The following PLXNC1 variants were observed in gnomAD, a reference collection of about 807,000 sequenced individuals.
The protein encoded by PLXNC1 is plexin-C1.
Under a neutral mutation model 178.2 loss-of-function variants are expected in PLXNC1, and 75 were observed. That is an observed-to-expected ratio of 0.42 (90% CI 0.35 to 0.51). PLXNC1 has a LOEUF of 0.51. PLXNC1 is among the 20% of genes least tolerant of loss of function. The pLI, the probability that PLXNC1 is intolerant of heterozygous loss-of-function variation, is 0.02. For missense variants in PLXNC1, 1,503 were observed against 1,984.4 expected, an observed-to-expected ratio of 0.76 and a Z score of 4.61; for synonymous variants, 790 against 779.9, an observed-to-expected ratio of 1.01 and a Z score of -0.22.
chr12:94,303,721 G>T (rs1379839492), intron 28 of PLXNC1, 35 bp from the exon 29 acceptor site: 64 of 1,173,606 alleles, frequency 5.5e-5, no homozygotes, highest in South Asian at 2.4e-4. Context: ...TTACTCTTTT[G>T]GTGATGGTTG....
intron 5 of PLXNC1, among the ~76,000 whole-genome samples, chr12:94,210,760 G>GA (rs1412262505): frequency 6.6e-6 from 1 of 151,900 alleles, no homozygotes; most frequent in Non-Finnish European, 1.5e-5. Flanking sequence ...TCTTCCTGGA[G>GA]AAAAAAAATA....
At chr12:94,222,724 A>C (rs1189764151) in intron 6 of PLXNC1, among the ~76,000 whole-genome samples, 1 of 152,180 alleles carries the variant, frequency 6.6e-6, no homozygotes, top group Non-Finnish European at 1.5e-5. Context: ...TGCTTGAAAA[A>C]AAGTATGACT....
chr12:94,191,777 AAAAG>A (rs1241472259), intron 4 of PLXNC1, among the ~76,000 whole-genome samples: 1 of 151,760 alleles, frequency 6.6e-6, no homozygotes, highest in African/African-American at 2.4e-5. Context: ...CTCAAAAAAA[AAAAG>A]GGAATAGGCA....
intron 6 of PLXNC1, among the ~76,000 whole-genome samples, chr12:94,221,414 G>A (rs1270230323): frequency 2.0e-5 from 3 of 152,080 alleles, no homozygotes; most frequent in Non-Finnish European, 2.9e-5. Flanking sequence ...GAGAAGCCAA[G>A]GGGGATGGAG....
chr12:94,215,550 C>G (rs368673066), intron 5 of PLXNC1, among the ~76,000 whole-genome samples: 1 of 113,042 alleles, frequency 8.8e-6, no homozygotes, highest in Non-Finnish European at 1.8e-5. Flanking sequence ...AGATTGCAAA[C>G]ATAGATGATA....
At chr12:94,229,402 T>A (rs2136034080) in intron 9 of PLXNC1, among the ~76,000 whole-genome samples, 1 of 152,344 alleles carries the variant, frequency 6.6e-6, no homozygotes, top group South Asian at 2.1e-4. Context: ...GAGTTTTTAA[T>A]TTTGATGAAG....
chr12:94,257,539 C>G lies in PLXNC1; in HGVS notation c.3088-1798C>G, dbSNP rs573835389. ...CTGTAATCCCAGCACTTTGGGAGGC[C>G]GAGGCGGGTGGATCACTTGAGGTCA... On this transcript the variant is annotated intron_variant, in intron 17 of 30. Transcript: ENST00000258526. 5.3e-5 allele frequency among the ~76,000 whole-genome samples: 8 copies of G among 152,106 alleles called. No individual in the cohort carries two copies. In the East Asian group the frequency reaches 1.4e-3, roughly 26 times the overall value.
intron 7 of PLXNC1, 70 bp from the exon 8 acceptor site, chr12:94,226,535 C>A: frequency 9.8e-7 from 1 of 1,015,436 alleles, no homozygotes; most frequent in Non-Finnish European, 1.5e-6. Flanking sequence ...TGCCACATCA[C>A]AGAGGGAAAT....
At chr12:94,186,710 G>GCA (rs1416182001) in intron 4 of PLXNC1, 7 of 453,056 alleles carry the variant, frequency 1.5e-5, no homozygotes, top group African/African-American at 1.4e-4. Context: ...GGGCAGGTGT[G>GCA]CAGCCTTCAG....
At chr12:94,153,626 G>A (rs1394281424) in intron 1 of PLXNC1, among the ~76,000 whole-genome samples, 3 of 152,170 alleles carry the variant, frequency 2.0e-5, no homozygotes, top group African/African-American at 2.4e-5. Flanking sequence ...GGGGTCACTC[G>A]TGGTTTAAAC....
At chr12:94,221,558 T>A (rs1963796995) in intron 6 of PLXNC1, among the ~76,000 whole-genome samples, 1 of 152,178 alleles carries the variant, frequency 6.6e-6, no homozygotes, top group South Asian at 2.1e-4. Context: ...TGATCATTAA[T>A]GGAGCTGAGT....
At chr12:94,184,101 T>G (rs985236586) in intron 3 of PLXNC1, among the ~76,000 whole-genome samples, 3 of 148,672 alleles carry the variant, frequency 2.0e-5, no homozygotes, top group Non-Finnish European at 3.0e-5. Flanking sequence ...AATGTAGTAT[T>G]TTTAGTGTCC....
intron 4 of PLXNC1, among the ~76,000 whole-genome samples, chr12:94,196,114 A>T (rs1043282451): frequency 1.3e-5 from 2 of 152,114 alleles, no homozygotes; most frequent in Non-Finnish European, 2.9e-5. Flanking sequence ...ACAGTAATTT[A>T]TGGCCATATT....
intron 4 of PLXNC1, among the ~76,000 whole-genome samples, chr12:94,202,555 T>C (rs748799228): frequency 2.0e-5 from 3 of 151,990 alleles, no homozygotes; most frequent in Non-Finnish European, 4.4e-5. Flanking sequence ...TTGCCTGGAG[T>C]CTGAGCAAAC....
chr12:94,169,742 C>T (rs767637894), intron 2 of PLXNC1, among the ~76,000 whole-genome samples: 16 of 152,198 alleles, frequency 1.1e-4, no homozygotes, highest in Non-Finnish European at 1.8e-4. Context: ...TCCCTCCAGC[C>T]CACTTACCAC....
intron 4 of PLXNC1, 89 bp downstream of exon 4, chr12:94,186,562 C>A: frequency 1.3e-6 from 1 of 792,376 alleles, no homozygotes; most frequent in Non-Finnish European, 2.2e-6. Flanking sequence ...ACGATCCATT[C>A]CAGTGACCTG....
intron 4 of PLXNC1, among the ~76,000 whole-genome samples, chr12:94,188,323 C>T (rs1411233461): frequency 2.3e-5 from 3 of 127,780 alleles, no homozygotes; most frequent in Non-Finnish European, 3.2e-5. Flanking sequence ...TCTTTTTGTC[C>T]TTTTTTTTTT....
Position 94,287,041 on chromosome 12 carries a change from C to G in PLXNC1, c.3879+4640C>G, listed in dbSNP as rs985623097. Among the ~76,000 whole-genome samples the G allele has an allele frequency of 2.0e-5, 3 of 152,290 alleles. No homozygotes were observed. The East Asian group carries it at 5.8e-4, about 29-fold the overall frequency. On this transcript the variant is annotated intron_variant, in intron 23 of 30. Coordinates refer to ENST00000258526, the MANE Select transcript of PLXNC1 (RefSeq NM_005761.3). Reference sequence around the variant, plus strand: ...GGGGAATTGCTTTCCATGACAATAACCATGGCAGCCAGTGCCTGGCACTGC... The same window carrying G: ...GGGGAATTGCTTTCCATGACAATAAGCATGGCAGCCAGTGCCTGGCACTGC...
chr12:94,298,797 T>A lies in PLXNC1; in HGVS notation c.4238+2T>A. The A allele has an allele frequency of 1.2e-6, 2 of 1,610,114 alleles. No individual in the cohort carries two copies. Among genetic ancestry groups the A allele is most frequent in the Non-Finnish European group, 1.7e-6 (2 of 1,179,006 alleles). ...CGTACATATTTGGAAAACAAACAGG[T>A]GGGAATGTAGGTGATTAGTGACTGT... On this transcript the variant is annotated splice_donor_variant, in intron 27 of 30. Transcript: ENST00000258526. LOFTEE classifies it high-confidence loss of function.
Sources: allele counts gnomAD v4.1 joint callset (sites outside exome capture counted in the v4.1 genomes callset), GRCh38; gene constraint gnomAD v4.1.1; transcripts MANE v1.5; gene names NCBI Gene and HGNC (gene_info 2026-07-23, HGNC 2026-07-21).